Variants in VEPH1 observed in about 807,000 individuals in gnomAD.
VEPH1 encodes ventricular zone-expressed PH domain-containing protein homolog 1.
In VEPH1, 80 loss-of-function variants were observed where a neutral mutation model predicts 85.2. That is an observed-to-expected ratio of 0.94 (90% CI 0.78 to 1.13). The LOEUF is 1.13. Ranked by LOEUF, VEPH1 falls within the 50% of genes most tolerant of loss-of-function variation. The pLI, the probability that VEPH1 is intolerant of heterozygous loss-of-function variation, is 0.00. For synonymous variants in VEPH1, 297 were observed against 348.0 expected (o/e 0.85, Z 1.63); for missense variants, 955 against 980.5 (o/e 0.97, Z 0.35).
intron 9 of VEPH1, among the ~76,000 whole-genome samples, chr3:157,340,663 T>A (rs1299567817): frequency 6.6e-6 from 1 of 152,156 alleles, no homozygotes; most frequent in Non-Finnish European, 1.5e-5. Context: ...GTCTGACAGC[T>A]TTGAAGAGAG....
chr3:157,462,871 C>G (rs901362710), intron 3 of VEPH1, among the ~76,000 whole-genome samples: 8 of 152,112 alleles, frequency 5.3e-5, no homozygotes, highest in Non-Finnish European at 1.2e-4. Flanking sequence ...ATCACATTTC[C>G]CTGGTTCAAG....
chr3:157,442,295 A>G, intron 4 of VEPH1: 2 of 1,317,492 alleles, frequency 1.5e-6, no homozygotes, highest in Non-Finnish European at 2.1e-6. Flanking sequence ...ATGTTAAATA[A>G]CTAATGCCAG....
chr3:157,330,872 A>G (rs979566593), intron 9 of VEPH1, among the ~76,000 whole-genome samples: 1 of 152,244 alleles, frequency 6.6e-6, no homozygotes, highest in Non-Finnish European at 1.5e-5. Context: ...TGGGTTGGGA[A>G]TAAACAAAGA....
chr3:157,350,947 G>C (rs546185891), intron 9 of VEPH1, among the ~76,000 whole-genome samples: 1 of 152,192 alleles, frequency 6.6e-6, no homozygotes, highest in East Asian at 1.9e-4. Flanking sequence ...AACCAGTATA[G>C]AGAACAGTAT....
At chr3:157,442,493 C>A in intron 4 of VEPH1, 1 of 1,614,164 alleles carries the variant, frequency 6.2e-7, no homozygotes, top group South Asian at 1.1e-5. Flanking sequence ...ATGTATTAAA[C>A]AAAACCATCC....
chr3:157,478,121 T>C (rs1737664574), intron 2 of VEPH1, among the ~76,000 whole-genome samples: 1 of 152,154 alleles, frequency 6.6e-6, no homozygotes, highest in Non-Finnish European at 1.5e-5. Flanking sequence ...TCAAAGGGAA[T>C]GGCCTCATTC....
chr3:157,305,974 T>G (rs972959686), intron 11 of VEPH1, among the ~76,000 whole-genome samples: 19 of 152,208 alleles, frequency 1.2e-4, no homozygotes, highest in Non-Finnish European at 2.6e-4. Context: ...CATTTAAAAT[T>G]ATTGTGCATA....
intron 4 of VEPH1, among the ~76,000 whole-genome samples, chr3:157,434,156 C>T (rs1399131847): frequency 6.6e-6 from 1 of 152,074 alleles, no homozygotes; most frequent in African/African-American, 2.4e-5. Context: ...ACTGATATTA[C>T]TACTGCTATG....
intron 12 of VEPH1, among the ~76,000 whole-genome samples, chr3:157,278,479 A>C (rs1233833539): frequency 1.3e-5 from 2 of 152,202 alleles, no homozygotes; most frequent in African/African-American, 4.8e-5. Context: ...GAAACCGTGA[A>C]GGATATGTTA....
At chr3:157,378,689 A>G (rs1317434949) in intron 7 of VEPH1, among the ~76,000 whole-genome samples, 1 of 152,144 alleles carries the variant, frequency 6.6e-6, no homozygotes, top group Non-Finnish European at 1.5e-5. Context: ...GTGAATAGTT[A>G]TTGACTTTGA....
At chr3:157,275,461 A>G (rs1715260629) in intron 12 of VEPH1, among the ~76,000 whole-genome samples, 1 of 152,132 alleles carries the variant, frequency 6.6e-6, no homozygotes, top group African/African-American at 2.4e-5. Context: ...CTGTAGTCCC[A>G]GCTACTCGGG....
chr3:157,272,046 C>T (rs570538096), intron 12 of VEPH1, among the ~76,000 whole-genome samples: 1 of 151,990 alleles, frequency 6.6e-6, no homozygotes, highest in South Asian at 2.1e-4. Flanking sequence ...AATAAGTGCC[C>T]TTTGCAGATT....
At chr3:157,343,979 C>G (rs977523424) in intron 9 of VEPH1, among the ~76,000 whole-genome samples, 2 of 152,110 alleles carry the variant, frequency 1.3e-5, no homozygotes, top group South Asian at 2.1e-4. Flanking sequence ...ATTCAACAGC[C>G]CTTCATGTGA....
chr3:157,423,683 C>T (rs1367728329), intron 5 of VEPH1, among the ~76,000 whole-genome samples: 1 of 152,124 alleles, frequency 6.6e-6, no homozygotes, highest in African/African-American at 2.4e-5. Context: ...GAATTTATCA[C>T]CTTGTTTAAT....
chr3:157,334,739 G>A (rs530636504), intron 9 of VEPH1, among the ~76,000 whole-genome samples: 1 of 152,196 alleles, frequency 6.6e-6, no homozygotes, highest in Non-Finnish European at 1.5e-5. Context: ...AATCACGGGG[G>A]TGTAGAAAGT....
intron 9 of VEPH1, among the ~76,000 whole-genome samples, chr3:157,345,761 C>G (rs1320117894): frequency 6.6e-6 from 1 of 152,280 alleles, no homozygotes; most frequent in East Asian, 1.9e-4. Context: ...TTCACAATAG[C>G]AAAGACTTGG....
Position 157,275,210 on chromosome 3 carries a change from G to A in VEPH1, c.2129-9548C>T, listed in dbSNP as rs147334680. Among the ~76,000 whole-genome samples the A allele has an allele frequency of 2.9e-3, 436 of 152,206 alleles. 4 individuals are homozygous for A. Among genetic ancestry groups the A allele is most frequent in the African/African-American group, 9.9e-3 (413 of 41,540 alleles). ...GTCATGAGTTTAATTTGTGATATTT[G>A]AATTTCTAGATACTCTTTTCTGATT... On this transcript the variant is annotated intron_variant, in intron 12 of 13. Transcript: ENST00000362010.
At chr3:157,423,049 G>T (rs1259869393) in intron 5 of VEPH1, among the ~76,000 whole-genome samples, 6 of 152,134 alleles carry the variant, frequency 3.9e-5, no homozygotes, top group Non-Finnish European at 8.8e-5. Context: ...GGAGAATACA[G>T]CATGACTTTT....
chr3:157,270,985 C>T (rs1714473009), intron 12 of VEPH1, among the ~76,000 whole-genome samples: 1 of 152,054 alleles, frequency 6.6e-6, no homozygotes, highest in Non-Finnish European at 1.5e-5. Flanking sequence ...AGAAAAGGAT[C>T]AGATAGGATT....
Sources: allele counts gnomAD v4.1 joint callset (sites outside exome capture counted in the v4.1 genomes callset), GRCh38; gene constraint gnomAD v4.1.1; transcripts MANE v1.5; gene names NCBI Gene and HGNC (gene_info 2026-07-23, HGNC 2026-07-21).